OSBPL3: variants seen among roughly 807,000 people sequenced by gnomAD.
OSBPL3 encodes oxysterol-binding protein-related protein 3.
In OSBPL3, 65 loss-of-function variants were observed where a neutral mutation model predicts 120.1. The ratio of observed to expected loss-of-function variants is 0.54; its 90% CI spans 0.44 to 0.67. The LOEUF is 0.67. OSBPL3 is among the 30% of genes least tolerant of loss of function. The pLI, the probability that OSBPL3 is intolerant of heterozygous loss-of-function variation, is 0.00. For missense variants in OSBPL3, 1,004 were observed against 1,082.1 expected (o/e 0.93, Z 1.01); for synonymous variants, 416 against 402.6 (o/e 1.03, Z -0.40).
intron 1 of OSBPL3, among the ~76,000 whole-genome samples, chr7:24,931,611 T>C (rs1811802739): frequency 2.0e-5 from 3 of 152,188 alleles, no homozygotes; most frequent in Non-Finnish European, 4.4e-5. Context: ...CAATGCCCGT[T>C]GACACCTGAT....
rs1016470115 is a variant in OSBPL3, at chr7:24,806,176, T to C, written c.2444+600A>G. On this transcript the variant is annotated intron_variant, in intron 21 of 22. Transcript: ENST00000313367. The surrounding 1 kb of genome is among the most constrained non-coding windows in gnomAD (Gnocchi z 5.2). ...TTCGCCATATTGGCCAGGCTGGTCT[T>C]GAACTCCTGACTTCAAGTGATCCGC... 1.2e-4 allele frequency among the ~76,000 whole-genome samples: 19 copies of C among 152,228 alleles called. No homozygotes were observed. The highest frequency in any genetic ancestry group is 2.5e-4 in the Non-Finnish European group (17 of 68,034).
rs1475866907 is a variant in OSBPL3 at position 24,916,050 on chromosome 7, G to A, written c.-149-23429C>T. On this transcript the variant is annotated intron_variant, in intron 1 of 22. Coordinates refer to ENST00000313367, the MANE Select transcript of OSBPL3 (RefSeq NM_015550.4). This position sits in a 1 kb window ranked among gnomAD's most constrained non-coding sequence, Gnocchi z 4.9. ...GCAGCATACATCAGAAAGCCAGGCAGGGACAAAGGGAGAAGGCACTCGATG... is the reference window on the plus strand; with the variant it reads ...GCAGCATACATCAGAAAGCCAGGCAAGGACAAAGGGAGAAGGCACTCGATG... Among the ~76,000 whole-genome samples the A allele has an allele frequency of 6.6e-6, 1 of 152,206 alleles. No homozygotes were observed. The highest frequency in any genetic ancestry group is 2.4e-5 in the African/African-American group (1 of 41,456).
rs1002895479 is a variant in OSBPL3 at position 24,851,651 on chromosome 7, G to C, written c.1158+853C>G. Among the ~76,000 whole-genome samples, 8 of 151,834 alleles carry C rather than the reference G, an allele frequency of 5.3e-5. No individual in the cohort carries two copies. The highest frequency in any genetic ancestry group is 1.9e-4 in the African/African-American group (8 of 41,336). ...ACACACTCTTTCTCTTTCTAAAGTA[G>C]GAATTCCAAAGTACAAGAAAAGAGT... On this transcript the variant is annotated intron_variant, in intron 11 of 22. Transcript: ENST00000313367. This position sits in a 1 kb window ranked among gnomAD's most constrained non-coding sequence, Gnocchi z 4.1.
In OSBPL3 at chr7:24,872,188, G is replaced by A. The variant is rs968751924; in HGVS notation, c.97-119C>T. ...ATGGGGAGGCTGGCTGGGTTTGTTG[G>A]GGAGAAGAAATCCAAATTTAATTTC... On this transcript the variant is annotated intron_variant, in intron 2 of 22. Transcript: ENST00000313367. This position sits in a 1 kb window ranked among gnomAD's most constrained non-coding sequence, Gnocchi z 4.1. The A allele has an allele frequency of 4.2e-6, 3 of 711,244 alleles. No individual in the cohort carries two copies. The highest frequency in any genetic ancestry group is 7.4e-6 in the Non-Finnish European group (3 of 404,690). The allele number at this position is 711,244 out of a possible 1,614,324, so 44.1% of individuals were successfully genotyped here.
intron 1 of OSBPL3, among the ~76,000 whole-genome samples, chr7:24,910,840 T>C (rs1282740748): frequency 6.6e-6 from 1 of 152,220 alleles, no homozygotes; most frequent in African/African-American, 2.4e-5. Context: ...AGGACAAAGC[T>C]GTGAGCTGGG....
In OSBPL3 at chr7:24,818,446, T is replaced by C. The variant is rs904823734; in HGVS notation, c.1948+1729A>G. ...GACGTATGAAAAAATAGTAGAGAGG[T>C]TGGGAAGGGAAAATGGAAGTATACT... On this transcript the variant is annotated intron_variant, in intron 17 of 22. Coordinates refer to ENST00000313367, the MANE Select transcript of OSBPL3 (RefSeq NM_015550.4). The surrounding 1 kb of genome is among the most constrained non-coding windows in gnomAD (Gnocchi z 4.0). Among the ~76,000 whole-genome samples the C allele has an allele frequency of 9.2e-5, 14 of 151,856 alleles. No individual in the cohort carries two copies. Among genetic ancestry groups the C allele is most frequent in the African/African-American group, 2.9e-4 (12 of 41,412 alleles).
rs149813396 is a variant in OSBPL3, at chr7:24,816,611, C to G, written c.2026G>C (p.Val676Leu). ...PIGTTHVTLP[V>L]FGDHFEWNKV... ...CTTAACCACAGAAGAAGAACTTACA[C>G]TGGCAGAGTCACATGGGTTGTGCCA... Residue 676 changes from valine to leucine, a missense_variant and splice_region_variant, in exon 18 of 23, where the codon GTT (valine) becomes CTT (leucine). Val to Leu is a conservative substitution (Grantham distance 32, BLOSUM62 1). Around this residue, in one of 4 missense-constraint regions of OSBPL3, gnomAD observed 473 missense variants for 568.0 expected, o/e 0.83. Coordinates refer to ENST00000313367, the MANE Select transcript of OSBPL3 (RefSeq NM_015550.4). The G allele has an allele frequency of 1.7e-4, 279 of 1,608,828 alleles. No individual in the cohort carries two copies. Among genetic ancestry groups the G allele is most frequent in the Non-Finnish European group, 2.0e-4 (235 of 1,175,282 alleles).
intron 16 of OSBPL3, among the ~76,000 whole-genome samples, chr7:24,829,860 C>T (rs961725037): frequency 6.6e-6 from 1 of 152,136 alleles, no homozygotes; most frequent in Non-Finnish European, 1.5e-5. Flanking sequence ...CAACACTCCA[C>T]CATTATAAAC....
chr7:24,874,864 G>A (rs1436302397), intron 2 of OSBPL3, among the ~76,000 whole-genome samples: 3 of 152,052 alleles, frequency 2.0e-5, no homozygotes, highest in South Asian at 4.1e-4. Context: ...CTGCCTCATC[G>A]CCAACTTCCC....
intron 19 of OSBPL3, among the ~76,000 whole-genome samples, chr7:24,810,826 T>C (rs1793706677): frequency 6.6e-6 from 1 of 152,248 alleles, no homozygotes; most frequent in Admixed American, 6.5e-5. Context: ...ATCCTCCAGG[T>C]TCATCTATGT....
chr7:24,916,918 A>ACCC lies in OSBPL3; in HGVS notation c.-149-24300_-149-24298dup, dbSNP rs113612398. Among the ~76,000 whole-genome samples the ACCC allele has an allele frequency of 0.23, 33,669 of 144,700 alleles. 4,142 individuals carry two copies. The highest frequency in any genetic ancestry group is 0.29 in the Non-Finnish European group (19,287 of 65,458). 94.9% of individuals were successfully genotyped at this position (144,700 alleles called of 152,430 possible). A position where few individuals can be genotyped will look rare whatever the true frequency, so the allele number is the denominator to read the frequency against. ...AGCCACTAAGACGTCTTCCATTTCCACCCCCCCCAACCTTTTTAGAAAATT... is the reference window on the plus strand; with the variant it reads ...AGCCACTAAGACGTCTTCCATTTCCACCCCCCCCCCCAACCTTTTTAGAAAATT... On this transcript the variant is annotated intron_variant, in intron 1 of 22. Transcript: ENST00000313367. This position sits in a 1 kb window ranked among gnomAD's most constrained non-coding sequence, Gnocchi z 4.9.
rs775249122 is a variant in OSBPL3, at chr7:24,896,093, C to T, written c.-149-3472G>A. Reference sequence around the variant, plus strand: ...GAGAGCTAGGACTTGCCCCAGCTTACAGGAACAGGTTTTATGGCTACTTTG... The same window carrying T: ...GAGAGCTAGGACTTGCCCCAGCTTATAGGAACAGGTTTTATGGCTACTTTG... On this transcript the variant is annotated intron_variant, in intron 1 of 22. Coordinates refer to ENST00000313367, the MANE Select transcript of OSBPL3 (RefSeq NM_015550.4). The surrounding 1 kb of genome is among the most constrained non-coding windows in gnomAD (Gnocchi z 4.4). Among the ~76,000 whole-genome samples the T allele has an allele frequency of 2.6e-5, 4 of 152,178 alleles. No homozygotes were observed. Among genetic ancestry groups the T allele is most frequent in the Admixed American group, 6.5e-5 (1 of 15,282 alleles).
At position 24,817,142 on chromosome 7, in the gene OSBPL3, C is replaced by T. The variant is rs953806339; in HGVS notation, c.1949-454G>A. 3.3e-5 allele frequency among the ~76,000 whole-genome samples: 5 copies of T among 152,110 alleles called. No individual in the cohort carries two copies. The highest frequency in any genetic ancestry group is 4.1e-4 in the South Asian group (2 of 4,824). On this transcript the variant is annotated intron_variant, in intron 17 of 22. Transcript: ENST00000313367. The surrounding 1 kb of genome is among the most constrained non-coding windows in gnomAD (Gnocchi z 4.0). Reference sequence around the variant, plus strand: ...CAAATAAATAGCTTGTCTGAGGGGACGGAAGTATAGGAAAACACAGTCAAA... The same window carrying T: ...CAAATAAATAGCTTGTCTGAGGGGATGGAAGTATAGGAAAACACAGTCAAA...
chr7:24,888,910 T>C (rs1301217044), intron 2 of OSBPL3, among the ~76,000 whole-genome samples: 1 of 152,178 alleles, frequency 6.6e-6, no homozygotes, highest in Non-Finnish European at 1.5e-5. Context: ...AGAATTTAAG[T>C]AAAAATGACT....
chr7:24,868,338 A>AGTGT (rs55688298), intron 5 of OSBPL3, among the ~76,000 whole-genome samples: 238 of 137,940 alleles, frequency 1.7e-3, no homozygotes, highest in Admixed American at 2.6e-3. Context: ...AAAAAAAAAA[A>AGTGT]GTGTGTGTGT....
intron 2 of OSBPL3, among the ~76,000 whole-genome samples, chr7:24,876,149 C>T (rs1451935076): frequency 1.3e-5 from 2 of 152,154 alleles, no homozygotes; most frequent in Non-Finnish European, 2.9e-5. Context: ...TTTATGGGGC[C>T]TCATTGTGTC....
chr7:24,800,189 T>C lies in OSBPL3; in HGVS notation c.2658A>G (p.Leu886=). The change falls in exon 23 of 23, where the codon TTA becomes TTG. Residue 886 remains leucine (L), a synonymous_variant. Transcript: ENST00000313367. ...ATCTTTCTTCTTTACTTTTTCACCATAAGACAGGATGGTCCAGTTTGGAAA... is the reference window on the plus strand; with the variant it reads ...ATCTTTCTTCTTTACTTTTTCACCACAAGACAGGATGGTCCAGTTTGGAAA... ...LGFSKLDHPV[L]W is the part of the protein sequence containing the mutation. 1 of 1,579,884 alleles carries C rather than the reference T, an allele frequency of 6.3e-7. No homozygotes were observed. The highest frequency in any genetic ancestry group is 8.7e-7 in the Non-Finnish European group (1 of 1,148,792).
At position 24,863,626 on chromosome 7, in the gene OSBPL3, A is replaced by C; in HGVS notation, c.674-27T>G. The C allele has an allele frequency of 7.3e-7, 1 of 1,376,100 alleles. No individual in the cohort carries two copies. 85.2% of individuals were successfully genotyped at this position (1,376,100 alleles called of 1,614,324 possible). The stretch of plus-strand genomic sequence containing the variant: ...TGTGGGGGAAAAGAGGACAGTGCTC[A>C]CAATGCTCCACTAGCAAGAGGGATC... On this transcript the variant is annotated intron_variant, in intron 7 of 22. Transcript: ENST00000313367. The surrounding 1 kb of genome is among the most constrained non-coding windows in gnomAD (Gnocchi z 5.8).
rs747683328 is a variant in OSBPL3, at chr7:24,805,407, AT to A, written c.2445-971del. ...GTGGACTGTTCATTTTCCTATGTCC[AT>A]TTTTTTTAACACAAACTTAAGATAA... On this transcript the variant is annotated intron_variant, in intron 21 of 22. Coordinates refer to ENST00000313367, the MANE Select transcript of OSBPL3 (RefSeq NM_015550.4). This position sits in a 1 kb window ranked among gnomAD's most constrained non-coding sequence, Gnocchi z 4.0. Among the ~76,000 whole-genome samples, 4 of 151,872 alleles carry A rather than the reference AT, an allele frequency of 2.6e-5. 1 individual carries two copies. The highest frequency in any genetic ancestry group is 4.2e-4 in the South Asian group (2 of 4,804).
Sources: allele counts gnomAD v4.1 joint callset (sites outside exome capture counted in the v4.1 genomes callset), GRCh38; gene constraint gnomAD v4.1.1; regional missense constraint gnomAD v4.1.1; non-coding constraint Gnocchi (gnomAD v3.1); transcripts MANE v1.5; gene names NCBI Gene and HGNC (gene_info 2026-07-23, HGNC 2026-07-21).